Variants in KCNT2 observed in about 807,000 individuals in gnomAD.
KCNT2 encodes the protein potassium channel subfamily T member 2.
In KCNT2, 67 loss-of-function variants were observed where a neutral mutation model predicts 153.8. That is an observed-to-expected ratio of 0.44 (90% CI 0.36 to 0.53). The LOEUF is 0.53. KCNT2 is among the 20% of genes least tolerant of loss of function. The probability of loss-of-function intolerance (pLI) is 0.00; values close to 1 mark genes in which losing one functional copy is unlikely to be tolerated. For missense variants in KCNT2, 975 were observed against 1,354.8 expected, an observed-to-expected ratio of 0.72 and a Z score of 4.40; for synonymous variants, 500 against 458.8, an observed-to-expected ratio of 1.09 and a Z score of -1.15.
intron 18 of KCNT2, 51 bp from the exon 19 acceptor site, chr1:196,326,940 A>G (rs1663920727): frequency 9.8e-7 from 1 of 1,021,200 alleles, no homozygotes; most frequent in East Asian, 2.8e-5. Context: ...CTTCATTAAA[A>G]TTTGGAGAAA....
intron 1 of KCNT2, among the ~76,000 whole-genome samples, chr1:196,594,904 T>C (rs1238146360): frequency 1.3e-5 from 2 of 152,158 alleles, no homozygotes; most frequent in African/African-American, 2.4e-5. Flanking sequence ...GCTTTGAATG[T>C]TGAGTCAGCA....
intron 23 of KCNT2, among the ~76,000 whole-genome samples, chr1:196,285,112 C>T (rs1003345734): frequency 3.3e-5 from 5 of 152,158 alleles, no homozygotes; most frequent in African/African-American, 1.2e-4. Flanking sequence ...AACCTCTTAG[C>T]TATGATAAAA....
rs112310919 is a variant in KCNT2 at position 196,226,880 on chromosome 1, T to C, written c.*1344A>G. 6.6e-6 allele frequency: 1 copy of C among 151,958 alleles called. No homozygotes were observed. Among genetic ancestry groups the C allele is most frequent in the Non-Finnish European group, 1.5e-5 (1 of 67,846 alleles). 9.4% of individuals were successfully genotyped at this position (151,958 alleles called of 1,614,324 possible). ...AATACAAAATTAGAACAGTATGTAT[T>C]TAAATTTACCAATGTTTCTTTTACA... is the stretch of plus-strand genomic sequence containing the variant. On this transcript the variant is annotated 3_prime_UTR_variant, in exon 28 of 28. Transcript: ENST00000294725.
At chr1:196,350,312 C>A (rs1442438725) in intron 14 of KCNT2, among the ~76,000 whole-genome samples, 1 of 152,160 alleles carries the variant, frequency 6.6e-6, no homozygotes, top group African/African-American at 2.4e-5. Flanking sequence ...AACTAGTTTA[C>A]AGTCCCACCA....
chr1:196,496,459 C>T, intron 1 of KCNT2, among the ~76,000 whole-genome samples: 1 of 147,172 alleles, frequency 6.8e-6, no homozygotes, highest in East Asian at 2.0e-4. Flanking sequence ...CAGAGCAAGA[C>T]TCTGTCTCAA....
At chr1:196,416,221 G>C (rs1197636879) in intron 12 of KCNT2, among the ~76,000 whole-genome samples, 2 of 151,894 alleles carry the variant, frequency 1.3e-5, no homozygotes, top group African/African-American at 4.8e-5. Flanking sequence ...ATTTTACTTA[G>C]TGGCCCAAAG....
rs561535487 is a variant in KCNT2 at position 196,549,894 on chromosome 1, C to T, written c.96-57553G>A. On this transcript the variant is annotated intron_variant, in intron 1 of 27. Transcript: ENST00000294725. ...AGTTCAGTAGGAAATCTCATGGGCT[C>T]TAAGTTTCGGATGCCTTAAGCAGAA... is the stretch of plus-strand genomic sequence containing the variant. Among the ~76,000 whole-genome samples, 14 of 151,906 alleles carry T rather than the reference C, an allele frequency of 9.2e-5. No individual in the cohort carries two copies. The South Asian group carries it at 2.7e-3, about 29-fold the overall frequency.
intron 10 of KCNT2, among the ~76,000 whole-genome samples, chr1:196,426,876 C>T (rs1458787175): frequency 6.6e-6 from 1 of 151,970 alleles, no homozygotes; most frequent in African/African-American, 2.4e-5. Context: ...CACCCTCTTC[C>T]TCCTGCTCTG....
At chr1:196,386,728 T>A (rs2148394580) in intron 13 of KCNT2, among the ~76,000 whole-genome samples, 1 of 152,222 alleles carries the variant, frequency 6.6e-6, no homozygotes, top group Admixed American at 6.5e-5. Context: ...CATTCCTTAT[T>A]TGAAGCAGAG....
At chr1:196,528,733 G>T (rs1178205003) in intron 1 of KCNT2, among the ~76,000 whole-genome samples, 2 of 152,114 alleles carry the variant, frequency 1.3e-5, no homozygotes, top group East Asian at 3.9e-4. Flanking sequence ...TCGCTCGTTA[G>T]GTAGAATTAT....
intron 25 of KCNT2, among the ~76,000 whole-genome samples, chr1:196,263,764 C>T (rs1657252477): frequency 6.6e-6 from 1 of 152,142 alleles, no homozygotes; most frequent in Admixed American, 6.6e-5. Flanking sequence ...TCAAACGAAG[C>T]ACCTCTTTCT....
chr1:196,276,733 T>C (rs1042665594), intron 25 of KCNT2, among the ~76,000 whole-genome samples: 1 of 152,074 alleles, frequency 6.6e-6, no homozygotes, highest in African/African-American at 2.4e-5. Flanking sequence ...TACACAACTT[T>C]GCTTTGACTG....
At chr1:196,608,092 C>G (rs1309285269) in intron 1 of KCNT2, 123 bp downstream of exon 1, 2 of 823,024 alleles carry the variant, frequency 2.4e-6, no homozygotes, top group African/African-American at 3.3e-5. Context: ...TACTCCCTCC[C>G]CCAGCCTAGT....
chr1:196,346,085 T>C (rs1444149800), intron 14 of KCNT2, among the ~76,000 whole-genome samples: 1 of 152,102 alleles, frequency 6.6e-6, no homozygotes, highest in Non-Finnish European at 1.5e-5. Context: ...AATATTCTTA[T>C]ACCTTTTGAA....
intron 8 of KCNT2, among the ~76,000 whole-genome samples, chr1:196,439,061 AT>A (rs1423077917): frequency 6.6e-6 from 1 of 151,830 alleles, no homozygotes; most frequent in African/African-American, 2.4e-5. Flanking sequence ...TCACATATTT[AT>A]CTTTTTGCAT....
intron 12 of KCNT2, among the ~76,000 whole-genome samples, chr1:196,410,112 A>G (rs2148478523): frequency 6.6e-6 from 1 of 151,694 alleles, no homozygotes; most frequent in South Asian, 2.1e-4. Flanking sequence ...AGATATTTCC[A>G]TTCAAGTCAT....
chr1:196,464,327 A>G (rs1677415610), intron 8 of KCNT2, among the ~76,000 whole-genome samples: 1 of 151,936 alleles, frequency 6.6e-6, no homozygotes, highest in Non-Finnish European at 1.5e-5. Flanking sequence ...AAAAGCATTA[A>G]GTATGCTAAA....
At chr1:196,541,149 G>A (rs529955975) in intron 1 of KCNT2, among the ~76,000 whole-genome samples, 53 of 143,234 alleles carry the variant, frequency 3.7e-4, no homozygotes, top group Admixed American at 7.7e-4. Flanking sequence ...GATAAAAAAA[G>A]CATCTAATAT....
At chr1:196,590,395 A>G (rs1663200780) in intron 1 of KCNT2, among the ~76,000 whole-genome samples, 1 of 152,196 alleles carries the variant, frequency 6.6e-6, no homozygotes, top group Non-Finnish European at 1.5e-5. Context: ...AACAAGCAGG[A>G]CAGATTCTAA....
Sources: allele counts gnomAD v4.1 joint callset (sites outside exome capture counted in the v4.1 genomes callset), GRCh38; gene constraint gnomAD v4.1.1; transcripts MANE v1.5; gene names NCBI Gene and HGNC (gene_info 2026-07-23, HGNC 2026-07-21).